LNPEP: variants seen among roughly 807,000 people sequenced by gnomAD.
The protein encoded by LNPEP is leucyl-cystinyl aminopeptidase.
LNPEP carries 64 observed loss-of-function variants against 120.6 expected under a neutral mutation model. The observed-to-expected ratio is 0.53, with a 90% CI of 0.43 to 0.65. The LOEUF is 0.65. Among genes scored for constraint, LNPEP ranks in the 30% least tolerant of loss-of-function variants. LNPEP has a pLI of 0.00. For missense variants in LNPEP, 1,057 were observed against 1,200.0 expected (o/e 0.88, Z 1.76); for synonymous variants, 435 against 425.4 (o/e 1.02, Z -0.28).
At chr5:96,958,190 A>G (rs910153271) in intron 1 of LNPEP, among the ~76,000 whole-genome samples, 17 of 152,226 alleles carry the variant, frequency 1.1e-4, no homozygotes, top group African/African-American at 4.1e-4. Flanking sequence ...ATAACCTATT[A>G]TAAAGTGAAA....
In LNPEP at chr5:97,029,462, G is replaced by A. The variant is rs1791428916; in HGVS notation, c.*929G>A. On this transcript the variant is annotated 3_prime_UTR_variant, in exon 18 of 18. Coordinates refer to ENST00000231368, the MANE Select transcript of LNPEP (RefSeq NM_005575.3). ...CACTATCACTAAGAATGCAATTTAA[G>A]TTGCCTTTTGGCATCATAGATCATA... 1 of 152,204 alleles carries A rather than the reference G, an allele frequency of 6.6e-6. No homozygotes were observed. The highest frequency in any genetic ancestry group is 6.5e-5 in the Admixed American group (1 of 15,268). 9.4% of individuals were successfully genotyped at this position (152,204 alleles called of 1,614,324 possible). A position where few individuals can be genotyped will look rare whatever the true frequency, so the allele number is the denominator to read the frequency against.
chr5:97,024,159 T>C (rs1445854660), intron 14 of LNPEP, among the ~76,000 whole-genome samples: 1 of 152,322 alleles, frequency 6.6e-6, no homozygotes, highest in Non-Finnish European at 1.5e-5. Flanking sequence ...GCTATAGTTC[T>C]ACCATGAAAC....
chr5:97,021,300 A>G (rs948928233), intron 13 of LNPEP, among the ~76,000 whole-genome samples: 7 of 152,218 alleles, frequency 4.6e-5, no homozygotes, highest in Non-Finnish European at 7.4e-5. Flanking sequence ...AGAGTGTTAA[A>G]AAACTGTTGA....
Position 97,033,123 on chromosome 5 carries a change from T to C in LNPEP, c.*4590T>C, listed in dbSNP as rs1279101101. 1 of 152,182 alleles carries C rather than the reference T, an allele frequency of 6.6e-6. No homozygotes were observed. The highest frequency in any genetic ancestry group is 1.5e-5 in the Non-Finnish European group (1 of 68,032). 9.4% of individuals were successfully genotyped at this position (152,182 alleles called of 1,614,324 possible). ...ACTTAATGTATATAAATAAACTTGC[T>C]ACTACATTGTATTACTAATTTGGTT... On this transcript the variant is annotated 3_prime_UTR_variant, in exon 18 of 18. Transcript: ENST00000231368.
At position 97,028,544 on chromosome 5, in the gene LNPEP, C is replaced by CTCATTTTGTGCAT; in HGVS notation, c.*11_*12insTCATTTTGTGCAT. The CTCATTTTGTGCAT allele has an allele frequency of 6.2e-7, 1 of 1,612,270 alleles. No individual in the cohort carries two copies. The highest frequency in any genetic ancestry group is 8.5e-7 in the Non-Finnish European group (1 of 1,179,028). On this transcript the variant is annotated 3_prime_UTR_variant, in exon 18 of 18. Coordinates refer to ENST00000231368, the MANE Select transcript of LNPEP (RefSeq NM_005575.3). ...ACATGGTGGCTGTAGCATGCACAAC[C>CTCATTTTGTGCAT]GCACCTCATTTTGTTGCCCATTCAG...
intron 1 of LNPEP, among the ~76,000 whole-genome samples, chr5:96,944,726 C>T (rs1789146764): frequency 6.6e-6 from 1 of 151,822 alleles, no homozygotes. Context: ...GTTGCCACCA[C>T]ACCCAGCTAA....
Position 96,936,153 on chromosome 5 carries a change from A to G in LNPEP, c.-3A>G, listed in dbSNP as rs547431848. On this transcript the variant is annotated 5_prime_UTR_variant, in exon 1 of 18. Coordinates refer to ENST00000231368, the MANE Select transcript of LNPEP (RefSeq NM_005575.3). ...GGCTGTAAGGAGCCGCGGCGGGGGG[A>G]AAATGGAGCCCTTCACCAATGGTGA... is the stretch of plus-strand genomic sequence containing the variant. 272 of 1,498,206 alleles carry G rather than the reference A, an allele frequency of 1.8e-4. 5 individuals carry two copies. In the South Asian group the frequency reaches 3.2e-3, roughly 18 times the overall value. 92.8% of individuals were successfully genotyped at this position (1,498,206 alleles called of 1,614,324 possible).
At chr5:97,024,477 G>A (rs1452261233) in intron 14 of LNPEP, 44 bp from the exon 15 acceptor site, 1 of 1,579,382 alleles carries the variant, frequency 6.3e-7, no homozygotes, top group South Asian at 1.1e-5. Context: ...TTTGTATTCA[G>A]AATATTTTCT....
chr5:96,958,680 C>T (rs1163971776), intron 1 of LNPEP: 3 of 179,648 alleles, frequency 1.7e-5, no homozygotes, highest in East Asian at 1.9e-4. Flanking sequence ...TCTGTAGGCT[C>T]TGGGCAGGAT....
intron 1 of LNPEP, among the ~76,000 whole-genome samples, chr5:96,967,050 G>A (rs1789743752): frequency 6.6e-6 from 1 of 152,028 alleles, no homozygotes. Flanking sequence ...CAATGTCCGT[G>A]GAGAACCCTC....
chr5:97,016,950 A>G (rs1791082096), intron 13 of LNPEP, among the ~76,000 whole-genome samples: 1 of 152,180 alleles, frequency 6.6e-6, no homozygotes, highest in Non-Finnish European at 1.5e-5. Flanking sequence ...TATCATGAAT[A>G]GCACTGCTAT....
At chr5:97,016,408 A>G (rs183910790) in intron 13 of LNPEP, among the ~76,000 whole-genome samples, 1 of 152,282 alleles carries the variant, frequency 6.6e-6, no homozygotes, top group African/African-American at 2.4e-5. Context: ...ATTATCACAC[A>G]GTGCCAAGGT....
intron 11 of LNPEP, among the ~76,000 whole-genome samples, chr5:97,008,605 G>A (rs1790847162): frequency 6.7e-6 from 1 of 148,610 alleles, no homozygotes; most frequent in Non-Finnish European, 1.5e-5. Context: ...TCCTGCTTTG[G>A]CTTCCCAAAG....
At chr5:96,983,039 C>A (rs1436326602) in intron 2 of LNPEP, among the ~76,000 whole-genome samples, 1 of 151,582 alleles carries the variant, frequency 6.6e-6, no homozygotes, top group African/African-American at 2.4e-5. Context: ...GCAGTGGATT[C>A]TATCTCAGTC....
At chr5:96,973,116 A>G (rs1235901105) in intron 1 of LNPEP, among the ~76,000 whole-genome samples, 2 of 152,104 alleles carry the variant, frequency 1.3e-5, no homozygotes, top group African/African-American at 2.4e-5. Context: ...CATCTTCAAA[A>G]CTTGTTTGCT....
intron 8 of LNPEP, 34 bp downstream of exon 8, chr5:96,998,179 G>T: frequency 6.5e-7 from 1 of 1,533,610 alleles, no homozygotes; most frequent in Non-Finnish European, 8.8e-7. Context: ...GCTGGAGTGG[G>T]TTTAAAATTT....
intron 1 of LNPEP, among the ~76,000 whole-genome samples, chr5:96,952,623 G>C (rs560650664): frequency 6.6e-6 from 1 of 152,132 alleles, no homozygotes; most frequent in East Asian, 1.9e-4. Context: ...GGTTATGTGC[G>C]GATTCTACCG....
intron 1 of LNPEP, among the ~76,000 whole-genome samples, chr5:96,976,460 A>G (rs926649352): frequency 2.0e-5 from 3 of 152,180 alleles, no homozygotes; most frequent in African/African-American, 7.2e-5. Context: ...CCAAATTGTC[A>G]AACTGTAGAA....
At chr5:96,986,833 ACT>A in intron 4 of LNPEP, among the ~76,000 whole-genome samples, 163 bp downstream of exon 4, 1 of 152,236 alleles carries the variant, frequency 6.6e-6, no homozygotes, top group Non-Finnish European at 1.5e-5. Context: ...GCTGTTATTT[ACT>A]GTTACTAGTT....
Sources: gnomAD v4.1 joint callset for allele counts (sites outside exome capture counted in the v4.1 genomes callset) on GRCh38, gnomAD v4.1.1 for gene constraint, MANE v1.5 for transcripts, NCBI Gene and HGNC (gene_info 2026-07-23, HGNC 2026-07-21) for gene names.